Variants in STARD13 observed in about 807,000 individuals in gnomAD.
The protein encoded by STARD13 is StAR related lipid transfer domain containing 13, also known as stAR-related lipid transfer protein 13.
STARD13 carries 62 observed loss-of-function variants against 106.4 expected under a neutral mutation model. The observed-to-expected ratio is 0.58, with a 90% CI of 0.48 to 0.72. STARD13 has a LOEUF of 0.72. Ranked by LOEUF, STARD13 falls within the 30% of genes least tolerant of loss-of-function variation. The pLI is 0.00. For synonymous variants in STARD13, 565 were observed against 553.0 expected (o/e 1.02, Z -0.31); for missense variants, 1,387 against 1,424.0 (o/e 0.97, Z 0.42).
At chr13:33,187,795 G>A (rs1885909178) in intron 1 of STARD13, among the ~76,000 whole-genome samples, 1 of 152,106 alleles carries the variant, frequency 6.6e-6, no homozygotes, top group African/African-American at 2.4e-5. Context: ...TGATTCTCGT[G>A]CCTCAGCCTC....
chr13:33,263,160 A>T (rs1890732912), intron 1 of STARD13, among the ~76,000 whole-genome samples: 1 of 152,156 alleles, frequency 6.6e-6, no homozygotes, highest in South Asian at 2.1e-4. Context: ...TTTGGGCCAC[A>T]TAATTCTTTG....
intron 3 of STARD13, among the ~76,000 whole-genome samples, chr13:33,151,179 G>C (rs181728357): frequency 6.6e-6 from 1 of 152,078 alleles, no homozygotes; most frequent in Non-Finnish European, 1.5e-5. Flanking sequence ...TCCAGGAATT[G>C]CAAATATATG....
At chr13:33,584,649 A>G in the STARD13 span, among the ~76,000 whole-genome samples, 1 of 152,166 alleles carries the variant, frequency 6.6e-6, no homozygotes, top group Non-Finnish European at 1.5e-5. Context: ...TTGATTTTAA[A>G]TGCTGAATTT....
At chr13:33,469,757 C>G in the STARD13 span, among the ~76,000 whole-genome samples, 1 of 152,052 alleles carries the variant, frequency 6.6e-6, no homozygotes, top group African/African-American at 2.4e-5. Flanking sequence ...TAATCTCATA[C>G]ATAGACTAAT....
At chr13:33,381,117 A>G in the STARD13 span, among the ~76,000 whole-genome samples, 2 of 152,248 alleles carry the variant, frequency 1.3e-5, no homozygotes, top group African/African-American at 2.4e-5. Flanking sequence ...GAGGGAACAA[A>G]TGTCCTCTGA....
Position 33,285,707 on chromosome 13 carries a change from A to T in STARD13, c.-69T>A. On this transcript the variant is annotated 5_prime_UTR_variant, in exon 1 of 14. It adds an upstream start codon to the 5' untranslated region. Coordinates refer to ENST00000336934, the MANE Select transcript of STARD13 (RefSeq NM_178006.4). ...TGCCGTCTGTCTCCAGTCTCAGTCA[A>T]AGAGCAAGGCACCCAGCCCAGGACA... The T allele has an allele frequency of 6.3e-7, 1 of 1,588,414 alleles. No individual in the cohort carries two copies. The highest frequency in any genetic ancestry group is 8.5e-7 in the Non-Finnish European group (1 of 1,169,680).
the STARD13 span, among the ~76,000 whole-genome samples, chr13:33,575,986 A>G: frequency 6.6e-6 from 1 of 152,114 alleles, no homozygotes; most frequent in Admixed American, 6.5e-5. Flanking sequence ...AAAAATCTAT[A>G]TGGGACTCTT....
intron 12 of STARD13, among the ~76,000 whole-genome samples, chr13:33,109,472 T>G (rs1250600572): frequency 6.6e-6 from 1 of 152,154 alleles, no homozygotes; most frequent in Non-Finnish European, 1.5e-5. Flanking sequence ...ACTCCAGTCT[T>G]GAGAGTTACA....
intron 12 of STARD13, 61 bp from the exon 13 acceptor site, chr13:33,106,995 C>T: frequency 6.6e-7 from 1 of 1,517,496 alleles, no homozygotes; most frequent in East Asian, 2.3e-5. Context: ...AACCTGAACA[C>T]AGAGCTAAGG....
chr13:33,388,080 C>G, the STARD13 span, among the ~76,000 whole-genome samples: 4 of 152,128 alleles, frequency 2.6e-5, no homozygotes, highest in Admixed American at 6.5e-5. Flanking sequence ...TTCAATGGTG[C>G]CTTTCTATAA....
At chr13:33,417,314 C>T in the STARD13 span, among the ~76,000 whole-genome samples, 1 of 152,178 alleles carries the variant, frequency 6.6e-6, no homozygotes, top group Non-Finnish European at 1.5e-5. Flanking sequence ...AATAGTTTGG[C>T]TTTCTCTTCA....
intron 1 of STARD13, chr13:33,333,865 T>A (rs1250219890): frequency 6.6e-6 from 1 of 152,200 alleles, no homozygotes; most frequent in Non-Finnish European, 1.5e-5. Context: ...AAGTATGATT[T>A]CACTTATAAT....
At chr13:33,512,989 C>T in the STARD13 span, among the ~76,000 whole-genome samples, 197 of 152,292 alleles carry the variant, frequency 1.3e-3, no homozygotes, top group African/African-American at 3.8e-3. Flanking sequence ...TTTGTTATGG[C>T]AACCCTAGTA....
chr13:33,327,406 G>A (rs11616458), intron 1 of STARD13, among the ~76,000 whole-genome samples: 223 of 152,254 alleles, frequency 1.5e-3, no homozygotes, highest in Middle Eastern at 3.4e-3. Flanking sequence ...GGGACTCACT[G>A]TCACCCAGGC....
the STARD13 span, among the ~76,000 whole-genome samples, chr13:33,568,545 T>A: frequency 4.7e-5 from 7 of 147,932 alleles, 1 homozygote; most frequent in African/African-American, 1.7e-4. Context: ...TAATTTCACT[T>A]GACATCTAAT....
intron 3 of STARD13, chr13:33,155,530 T>TC (rs1238466400): frequency 1.3e-5 from 2 of 152,134 alleles, no homozygotes; most frequent in Non-Finnish European, 2.9e-5. Flanking sequence ...GTCTCTCTCT[T>TC]CCCCTCAATC....
At chr13:33,372,514 C>G in the STARD13 span, among the ~76,000 whole-genome samples, 1 of 151,314 alleles carries the variant, frequency 6.6e-6, no homozygotes, top group Admixed American at 6.6e-5. Context: ...TTTCTCTTGT[C>G]TGACCTTTCA....
At chr13:33,607,299 CTTT>C in the STARD13 span, among the ~76,000 whole-genome samples, 10 of 137,370 alleles carry the variant, frequency 7.3e-5, no homozygotes, top group Admixed American at 1.5e-4. Context: ...ATCATTGTTT[CTTT>C]TTTTTTTTTT....
chr13:33,455,063 T>G, the STARD13 span, among the ~76,000 whole-genome samples: 1 of 152,218 alleles, frequency 6.6e-6, no homozygotes, highest in African/African-American at 2.4e-5. Context: ...TCACCCCAGT[T>G]GCTTAAAGCC....
Sources: gnomAD v4.1 joint callset for allele counts (sites outside exome capture counted in the v4.1 genomes callset) on GRCh38, gnomAD v4.1.1 for gene constraint, MANE v1.5 for transcripts, NCBI Gene and HGNC (gene_info 2026-07-23, HGNC 2026-07-21) for gene names.